ROBO2: variants seen among roughly 807,000 people sequenced by gnomAD.
The protein encoded by ROBO2 is roundabout guidance receptor 2.
A neutral mutation model predicts 160.8 loss-of-function variants in ROBO2; 53 were observed. That is an observed-to-expected ratio of 0.33 (90% confidence interval 0.26 to 0.41). The LOEUF (loss-of-function observed/expected upper bound fraction) is 0.41. Among genes scored for constraint, ROBO2 ranks in the 10% least tolerant of loss-of-function variants. The pLI is 1.00. For synonymous variants in ROBO2, 664 were observed against 611.7 expected, an observed-to-expected ratio of 1.09 and a Z score of -1.26; for missense variants, 1,577 against 1,722.4, an observed-to-expected ratio of 0.92 and a Z score of 1.49.
At chr3:76,980,872 A>G (rs2060063047) in intron 2 of ROBO2, among the ~76,000 whole-genome samples, 1 of 152,264 alleles carries the variant, frequency 6.6e-6, no homozygotes, top group Admixed American at 6.5e-5. Flanking sequence ...GCAACTAATC[A>G]TCTACATTTT....
At chr3:75,915,971 TATTTCTAG>T in intron 1 of ROBO2, among the ~76,000 whole-genome samples, 1 of 152,200 alleles carries the variant, frequency 6.6e-6, no homozygotes, top group Admixed American at 6.5e-5. Context: ...ATAAAAACAG[TATTTCTAG>T]ATAGATATAG....
chr3:76,567,112 G>C (rs1357139579), intron 2 of ROBO2, among the ~76,000 whole-genome samples: 1 of 152,114 alleles, frequency 6.6e-6, no homozygotes. Flanking sequence ...CAGCAAATAA[G>C]CAAACCCCAC....
At chr3:76,765,248 T>C (rs2061515632) in intron 2 of ROBO2, among the ~76,000 whole-genome samples, 1 of 151,740 alleles carries the variant, frequency 6.6e-6, no homozygotes, top group Admixed American at 6.6e-5. Context: ...AACATCTTTT[T>C]TATTTTCAAG....
intron 2 of ROBO2, among the ~76,000 whole-genome samples, chr3:76,906,919 A>T (rs2075643912): frequency 6.6e-6 from 1 of 152,184 alleles, no homozygotes. Flanking sequence ...ATAATTCTGA[A>T]TAAATTTAGA....
chr3:76,453,492 T>A (rs531271373), intron 2 of ROBO2, among the ~76,000 whole-genome samples: 12 of 152,292 alleles, frequency 7.9e-5, no homozygotes, highest in Non-Finnish European at 1.6e-4. Context: ...GTTGTAGATA[T>A]GCGGCATTAT....
chr3:77,255,323 C>A (rs755984378), intron 2 of ROBO2, among the ~76,000 whole-genome samples: 1 of 152,124 alleles, frequency 6.6e-6, no homozygotes, highest in Non-Finnish European at 1.5e-5. Context: ...CTGTAAAGTG[C>A]GTGAAGTTTT....
intron 4 of ROBO2, among the ~76,000 whole-genome samples, chr3:77,482,347 G>C (rs185422420): frequency 6.2e-4 from 94 of 152,246 alleles, no homozygotes; most frequent in Admixed American, 2.9e-3. Context: ...GTATTTTGCT[G>C]GCTTGGGAGA....
At chr3:77,466,938 C>T (rs973961515) in intron 2 of ROBO2, among the ~76,000 whole-genome samples, 12 of 152,120 alleles carry the variant, frequency 7.9e-5, no homozygotes, top group African/African-American at 2.4e-4. Flanking sequence ...AGAGAAATAT[C>T]GGAGCAATAA....
intron 2 of ROBO2, among the ~76,000 whole-genome samples, chr3:76,720,127 G>C (rs1286108574): frequency 1.3e-5 from 2 of 152,062 alleles, no homozygotes; most frequent in African/African-American, 4.8e-5. Flanking sequence ...AGTGTTATTG[G>C]TGCCCTTTTA....
chr3:76,260,472 A>G (rs988390300), intron 2 of ROBO2, among the ~76,000 whole-genome samples: 1 of 152,160 alleles, frequency 6.6e-6, no homozygotes, highest in African/African-American at 2.4e-5. Flanking sequence ...TTTGATTAAT[A>G]TGTGGAAATT....
chr3:77,486,414 C>T (rs2085359430), intron 4 of ROBO2, among the ~76,000 whole-genome samples: 1 of 152,186 alleles, frequency 6.6e-6, no homozygotes, highest in African/African-American at 2.4e-5. Context: ...TCTCTGCGAC[C>T]TCACCAGCAT....
chr3:77,071,932 C>T (rs1174393067), intron 1 of ROBO2, among the ~76,000 whole-genome samples: 3 of 152,126 alleles, frequency 2.0e-5, no homozygotes, highest in African/African-American at 7.2e-5. Flanking sequence ...ACAGGAGTCT[C>T]CAACCCCTGG....
chr3:77,364,347 C>T (rs1177900407), intron 2 of ROBO2, among the ~76,000 whole-genome samples: 4 of 152,040 alleles, frequency 2.6e-5, no homozygotes, highest in African/African-American at 9.7e-5. Flanking sequence ...AGCCTTGGGG[C>T]ACCAGGGCAG....
intron 2 of ROBO2, among the ~76,000 whole-genome samples, chr3:76,427,744 C>A (rs572787736): frequency 6.6e-6 from 1 of 152,074 alleles, no homozygotes; most frequent in South Asian, 2.1e-4. Flanking sequence ...TTAATGATTA[C>A]GGTTATATTT....
At chr3:76,483,916 T>C (rs767442006) in intron 2 of ROBO2, among the ~76,000 whole-genome samples, 13 of 152,180 alleles carry the variant, frequency 8.5e-5, no homozygotes, top group Non-Finnish European at 1.5e-5. Flanking sequence ...TATAGCTACA[T>C]AGTATTCAAT....
At chr3:76,837,059 T>C (rs1025419142) in intron 2 of ROBO2, among the ~76,000 whole-genome samples, 4 of 151,922 alleles carry the variant, frequency 2.6e-5, no homozygotes, top group African/African-American at 4.8e-5. Flanking sequence ...CCTTTACGCA[T>C]GTCATGAATT....
Position 76,612,694 on chromosome 3 carries a change from C to T in ROBO2, c.110-485320C>T, listed in dbSNP as rs183500857. 2.1e-3 allele frequency among the ~76,000 whole-genome samples: 320 copies of T among 152,142 alleles called. 3 individuals carry two copies. The highest frequency in any genetic ancestry group is 7.3e-3 in the African/African-American group (303 of 41,500). On this transcript the variant is annotated intron_variant, in intron 2 of 26. Coordinates refer to the ROBO2 transcript ENST00000487694. ...AACTGGCATGTTCTGCACATGTATC[C>T]CAGAAGTTAAAGTAAAATTAAAAAT...
chr3:76,903,470 T>C (rs1294406126), intron 2 of ROBO2, among the ~76,000 whole-genome samples: 1 of 152,136 alleles, frequency 6.6e-6, no homozygotes, highest in Non-Finnish European at 1.5e-5. Flanking sequence ...TTTTCATTGA[T>C]GATTCAGTGA....
intron 2 of ROBO2, among the ~76,000 whole-genome samples, chr3:76,313,054 A>G (rs190321765): frequency 7.8e-4 from 119 of 152,372 alleles, no homozygotes; most frequent in African/African-American, 2.8e-3. Flanking sequence ...CTGCTGTGTG[A>G]TGATGATACA....
Sources: gnomAD v4.1 joint callset for allele counts (sites outside exome capture counted in the v4.1 genomes callset) on GRCh38, gnomAD v4.1.1 for gene constraint, MANE v1.5 for transcripts, NCBI Gene and HGNC (gene_info 2026-07-23, HGNC 2026-07-21) for gene names.